Variants in CSMD1 observed in about 807,000 individuals in gnomAD.
The protein encoded by CSMD1 is CUB and sushi domain-containing protein 1.
A neutral mutation model predicts 417.5 loss-of-function variants in CSMD1; 213 were observed. That is an observed-to-expected ratio of 0.51 (90% CI 0.46 to 0.57). CSMD1 has a LOEUF of 0.57. CSMD1 is among the 20% of genes least tolerant of loss of function. The pLI, the probability that CSMD1 is intolerant of heterozygous loss-of-function variation, is 0.00. For synonymous variants in CSMD1, 2,862 were observed against 1,736.8 expected (o/e 1.65, Z -16.11); for missense variants, 6,923 against 4,529.7 (o/e 1.53, Z -15.17).
chr8:3,954,405 C>T (rs572081639), intron 5 of CSMD1, among the ~76,000 whole-genome samples: 255 of 152,250 alleles, frequency 1.7e-3, no homozygotes, highest in Middle Eastern at 3.4e-3. Flanking sequence ...CTCTGCTGCC[C>T]AGGCTGGAGT....
At chr8:4,464,803 T>C (rs1297861735) in intron 2 of CSMD1, among the ~76,000 whole-genome samples, 2 of 152,104 alleles carry the variant, frequency 1.3e-5, no homozygotes, top group African/African-American at 2.4e-5. Flanking sequence ...TCAAGAAAAC[T>C]GATTCTCTTT....
chr8:4,416,718 A>G (rs1320183138), intron 3 of CSMD1, among the ~76,000 whole-genome samples: 1 of 152,082 alleles, frequency 6.6e-6, no homozygotes, highest in Non-Finnish European at 1.5e-5. Flanking sequence ...ATTTTCTTCA[A>G]TGTCCTCAAG....
chr8:4,541,434 C>G (rs185819632), intron 2 of CSMD1, among the ~76,000 whole-genome samples: 339 of 152,316 alleles, frequency 2.2e-3, no homozygotes, highest in Admixed American at 4.5e-3. Flanking sequence ...GTGGGCTCCA[C>G]TTGGATCAAG....
chr8:4,397,078 T>C (rs1804284530), intron 3 of CSMD1, among the ~76,000 whole-genome samples: 1 of 152,054 alleles, frequency 6.6e-6, no homozygotes, highest in African/African-American at 2.4e-5. Flanking sequence ...TTATGCACAC[T>C]TCCCCATCTC....
intron 2 of CSMD1, among the ~76,000 whole-genome samples, chr8:4,497,333 A>T (rs1392652901): frequency 6.6e-6 from 1 of 152,244 alleles, no homozygotes; most frequent in African/African-American, 2.4e-5. Context: ...TGACAAAGTA[A>T]ATCTATTTAT....
chr8:3,615,770 C>A (rs1168366173), intron 8 of CSMD1, among the ~76,000 whole-genome samples: 1 of 151,972 alleles, frequency 6.6e-6, no homozygotes, highest in Non-Finnish European at 1.5e-5. Context: ...GGATTTTTTT[C>A]AAAAATGGTG....
rs573980988 is a variant in CSMD1 at position 4,678,434 on chromosome 8, T to G, written c.86-40876A>C. Among the ~76,000 whole-genome samples, 19 of 152,184 alleles carry G rather than the reference T, an allele frequency of 1.2e-4. 1 individual carries two copies. In the South Asian group the frequency reaches 3.1e-3, roughly 25 times the overall value. On this transcript the variant is annotated intron_variant, in intron 1 of 69. Transcript: ENST00000635120. ...TCAACAACAAAAAAAAAGAATTTGT[T>G]AACAAAACTAAAAACTATCACATTT... is the stretch of plus-strand genomic sequence containing the variant.
chr8:3,968,678 A>G (rs1450069779), intron 5 of CSMD1, among the ~76,000 whole-genome samples: 1 of 152,136 alleles, frequency 6.6e-6, no homozygotes, highest in African/African-American at 2.4e-5. Context: ...TGATAGTGTT[A>G]GTCATTAAGC....
intron 26 of CSMD1, among the ~76,000 whole-genome samples, chr8:3,240,476 T>C (rs1353309649): frequency 1.3e-5 from 2 of 151,802 alleles, no homozygotes; most frequent in Admixed American, 1.3e-4. Context: ...CTGAACACGA[T>C]TGGCAGGGAG....
intron 2 of CSMD1, among the ~76,000 whole-genome samples, chr8:4,546,553 G>A (rs1449650566): frequency 6.6e-6 from 1 of 152,092 alleles, no homozygotes; most frequent in Non-Finnish European, 1.5e-5. Context: ...TCCTACCCTA[G>A]TACATCAGCA....
chr8:3,389,367 G>A (rs1350762364), intron 17 of CSMD1, among the ~76,000 whole-genome samples: 2 of 152,046 alleles, frequency 1.3e-5, no homozygotes, highest in Non-Finnish European at 2.9e-5. Flanking sequence ...AACATGCGGC[G>A]TTTGGTTGCC....
intron 1 of CSMD1, among the ~76,000 whole-genome samples, chr8:4,763,850 T>C (rs1465821906): frequency 6.6e-6 from 1 of 152,200 alleles, no homozygotes; most frequent in Admixed American, 6.5e-5. Context: ...TGAAATATTT[T>C]CCTGAACGGA....
At chr8:3,376,347 A>C (rs532468057) in intron 18 of CSMD1, among the ~76,000 whole-genome samples, 2 of 152,224 alleles carry the variant, frequency 1.3e-5, no homozygotes, top group Non-Finnish European at 2.9e-5. Context: ...CTGAAAACAT[A>C]TTTGAATTGG....
chr8:3,433,497 G>C (rs562829764), intron 12 of CSMD1, among the ~76,000 whole-genome samples: 6 of 152,152 alleles, frequency 3.9e-5, no homozygotes, highest in African/African-American at 9.6e-5. Flanking sequence ...ATTGCTTCTT[G>C]GTTCATTTTT....
intron 3 of CSMD1, among the ~76,000 whole-genome samples, chr8:4,295,295 AGATTAT>A (rs1797612218): frequency 9.1e-6 from 1 of 109,704 alleles, no homozygotes; most frequent in Non-Finnish European, 2.0e-5. Context: ...TATAATCTTA[AGATTAT>A]CTATATAATC....
At chr8:3,921,608 T>A (rs528346001) in intron 5 of CSMD1, among the ~76,000 whole-genome samples, 1 of 152,280 alleles carries the variant, frequency 6.6e-6, no homozygotes, top group East Asian at 1.9e-4. Flanking sequence ...TTTATTTCCA[T>A]CTATTTTTGG....
At chr8:4,926,838 T>G (rs1806903199) in intron 1 of CSMD1, among the ~76,000 whole-genome samples, 1 of 152,164 alleles carries the variant, frequency 6.6e-6, no homozygotes, top group African/African-American at 2.4e-5. Context: ...AACTCCTCCC[T>G]AAATAGTTTG....
At chr8:3,380,449 T>C (rs145318369) in intron 18 of CSMD1, among the ~76,000 whole-genome samples, 321 of 152,306 alleles carry the variant, frequency 2.1e-3, no homozygotes, top group African/African-American at 7.5e-3. Context: ...CATATGTTTA[T>C]TGCAGCCCTG....
intron 1 of CSMD1, among the ~76,000 whole-genome samples, chr8:4,888,492 T>C (rs189239379): frequency 2.6e-5 from 4 of 151,550 alleles, no homozygotes; most frequent in African/African-American, 7.3e-5. Flanking sequence ...TACAGAAGGA[T>C]AGACTGATAG....
Sources: gnomAD v4.1 joint callset for allele counts (sites outside exome capture counted in the v4.1 genomes callset) on GRCh38, gnomAD v4.1.1 for gene constraint, MANE v1.5 for transcripts, NCBI Gene and HGNC (gene_info 2026-07-23, HGNC 2026-07-21) for gene names.